Variants in GPR158 observed in about 807,000 individuals in gnomAD.
GPR158 encodes the protein G protein-coupled receptor 158, also known as metabotropic glycine receptor.
Under a neutral mutation model 78.2 loss-of-function variants are expected in GPR158, and 30 were observed. The observed-to-expected ratio is 0.38, with a 90% CI of 0.29 to 0.52. The LOEUF is 0.52. Among genes scored for constraint, GPR158 ranks in the 20% least tolerant of loss-of-function variants. The probability of loss-of-function intolerance (pLI) is 0.83; values close to 1 mark genes in which losing one functional copy is unlikely to be tolerated. For synonymous variants in GPR158, 581 were observed against 591.1 expected (o/e 0.98, Z 0.25); for missense variants, 1,463 against 1,523.5 (o/e 0.96, Z 0.66).
At chr10:25,461,833 G>A (rs1016379162) in intron 4 of GPR158, among the ~76,000 whole-genome samples, 3 of 150,034 alleles carry the variant, frequency 2.0e-5, no homozygotes, top group African/African-American at 4.9e-5. Flanking sequence ...CCGGGTTCAC[G>A]CCATTCTCCT....
At chr10:25,594,147 G>A (rs1837372892) in intron 8 of GPR158, 145 bp from the exon 9 acceptor site, 1 of 572,016 alleles carries the variant, frequency 1.7e-6, no homozygotes, top group Non-Finnish European at 3.1e-6. Flanking sequence ...ATTCTTTTGA[G>A]ATGAAAATAT....
intron 8 of GPR158, among the ~76,000 whole-genome samples, chr10:25,589,640 G>A (rs1440330871): frequency 3.9e-5 from 6 of 152,164 alleles, no homozygotes; most frequent in Non-Finnish European, 7.3e-5. Flanking sequence ...ATTATCATGT[G>A]CAATGGGCTT....
chr10:25,300,647 C>T (rs141511577), intron 2 of GPR158, among the ~76,000 whole-genome samples: 106 of 152,154 alleles, frequency 7.0e-4, no homozygotes, highest in African/African-American at 2.4e-3. Flanking sequence ...GAGGTCGTCA[C>T]GAAACTTGCT....
chr10:25,274,489 T>C (rs1854157383), intron 2 of GPR158, among the ~76,000 whole-genome samples: 1 of 152,200 alleles, frequency 6.6e-6, no homozygotes, highest in Non-Finnish European at 1.5e-5. Flanking sequence ...GCAACATAGG[T>C]GATTTAATGT....
intron 2 of GPR158, among the ~76,000 whole-genome samples, chr10:25,235,465 T>C (rs2130699749): frequency 6.6e-6 from 1 of 151,632 alleles, no homozygotes; most frequent in East Asian, 2.0e-4. Flanking sequence ...CTGAAATCTA[T>C]CTGCTCTTAG....
chr10:25,472,921 C>T (rs999141754), intron 5 of GPR158, among the ~76,000 whole-genome samples: 3 of 152,132 alleles, frequency 2.0e-5, no homozygotes, highest in Non-Finnish European at 2.9e-5. Context: ...TTGACTTCCT[C>T]TTTTCCTAAT....
At chr10:25,510,317 A>C (rs1836068216) in intron 5 of GPR158, among the ~76,000 whole-genome samples, 1 of 152,214 alleles carries the variant, frequency 6.6e-6, no homozygotes, top group Non-Finnish European at 1.5e-5. Context: ...AAAAATAAAA[A>C]AGTATATACT....
At chr10:25,344,075 G>A (rs568531746) in intron 2 of GPR158, among the ~76,000 whole-genome samples, 7 of 151,914 alleles carry the variant, frequency 4.6e-5, no homozygotes, top group Admixed American at 1.3e-4. Flanking sequence ...CATTCTTCTC[G>A]GAAGAGACAT....
chr10:25,368,859 G>C (rs1588829085), intron 2 of GPR158, among the ~76,000 whole-genome samples: 1 of 145,298 alleles, frequency 6.9e-6, no homozygotes, highest in Middle Eastern at 3.4e-3. Flanking sequence ...GCAGTGGTTT[G>C]TAGTTCTCCT....
intron 7 of GPR158, among the ~76,000 whole-genome samples, chr10:25,586,883 C>T (rs929673706): frequency 3.3e-5 from 5 of 152,268 alleles, no homozygotes; most frequent in African/African-American, 7.2e-5. Context: ...GCCAGGGTTT[C>T]GGTCTAGGTC....
intron 5 of GPR158, among the ~76,000 whole-genome samples, chr10:25,481,560 G>A (rs1276347179): frequency 6.6e-6 from 1 of 152,122 alleles, no homozygotes; most frequent in Non-Finnish European, 1.5e-5. Context: ...CAAATTATAG[G>A]AATTTACTGC....
chr10:25,352,468 A>G (rs1202891815), intron 2 of GPR158, among the ~76,000 whole-genome samples: 11 of 152,058 alleles, frequency 7.2e-5, no homozygotes, highest in South Asian at 2.1e-4. Context: ...AACCTTCCAC[A>G]TAAGGTTTTC....
chr10:25,327,163 A>G (rs1855047693), intron 2 of GPR158, among the ~76,000 whole-genome samples: 1 of 152,134 alleles, frequency 6.6e-6, no homozygotes, highest in Non-Finnish European at 1.5e-5. Context: ...GAAAGAAAGC[A>G]CACACACACG....
In GPR158 at chr10:25,176,287, C is replaced by T; in HGVS notation, c.867C>T (p.Ile289=). 3 of 1,606,560 alleles carry T rather than the reference C, an allele frequency of 1.9e-6. No homozygotes were observed. The highest frequency in any genetic ancestry group is 2.5e-6 in the Non-Finnish European group (3 of 1,176,736). The change falls in exon 1 of 11, where the codon ATC becomes ATT. Residue 289 remains isoleucine (I), a synonymous_variant. Transcript: ENST00000376351. This position sits in a 1 kb window ranked among gnomAD's most constrained non-coding sequence, Gnocchi z 6.3. Reference sequence around the variant, plus strand: ...GGCTGGTTACTCTTTCCTCTGCCATCTACGGGTTGCAGCCTAACCTGGTCC... The same window carrying T: ...GGCTGGTTACTCTTTCCTCTGCCATTTACGGGTTGCAGCCTAACCTGGTCC... ...PGWLVTLSSA[I]YGLQPNLVPE... is the part of the protein sequence containing the mutation.
At chr10:25,483,986 C>G (rs1835698475) in intron 5 of GPR158, among the ~76,000 whole-genome samples, 1 of 152,182 alleles carries the variant, frequency 6.6e-6, no homozygotes, top group Non-Finnish European at 1.5e-5. Flanking sequence ...CTTGGCATCT[C>G]TGTTTTTATC....
At chr10:25,367,427 C>T (rs990309622) in intron 2 of GPR158, among the ~76,000 whole-genome samples, 1 of 151,636 alleles carries the variant, frequency 6.6e-6, no homozygotes, top group African/African-American at 2.4e-5. Context: ...AATAAGCCCC[C>T]CAGTTTTCCT....
At chr10:25,540,168 T>C (rs554856163) in intron 5 of GPR158, among the ~76,000 whole-genome samples, 2 of 152,280 alleles carry the variant, frequency 1.3e-5, no homozygotes, top group African/African-American at 4.8e-5. Context: ...AAGACATTTA[T>C]GCAGCCAAAA....
chr10:25,431,609 C>T (rs1407316246), intron 4 of GPR158, among the ~76,000 whole-genome samples: 4 of 137,318 alleles, frequency 2.9e-5, no homozygotes, highest in Non-Finnish European at 4.8e-5. Flanking sequence ...GGAACCAACC[C>T]AAATGTCCAA....
At chr10:25,441,838 A>G (rs183505517) in intron 4 of GPR158, among the ~76,000 whole-genome samples, 6 of 152,322 alleles carry the variant, frequency 3.9e-5, no homozygotes, top group Admixed American at 1.3e-4. Flanking sequence ...ACTTTAAAAT[A>G]TCATGGTTAA....
Sources: allele counts gnomAD v4.1 joint callset (sites outside exome capture counted in the v4.1 genomes callset), GRCh38; gene constraint gnomAD v4.1.1; non-coding constraint Gnocchi (gnomAD v3.1); transcripts MANE v1.5; gene names NCBI Gene and HGNC (gene_info 2026-07-23, HGNC 2026-07-21).